NMD3: variants seen among roughly 807,000 people sequenced by gnomAD.
NMD3 encodes the protein 60S ribosomal export protein NMD3.
NMD3 carries 47 observed loss-of-function variants against 73.1 expected under a neutral mutation model. The ratio of observed to expected loss-of-function variants is 0.64; its 90% CI spans 0.51 to 0.82. The LOEUF (loss-of-function observed/expected upper bound fraction) is 0.82, where lower values mean the gene tolerates loss of function less well. NMD3 is among the 40% of genes least tolerant of loss of function. The pLI is 0.00. For missense variants in NMD3, 554 were observed against 612.5 expected (o/e 0.90, Z 1.01); for synonymous variants, 210 against 194.5 (o/e 1.08, Z -0.66).
intron 1 of NMD3, 195 bp from the exon 2 acceptor site, chr3:161,221,799 C>T (rs1736093910): frequency 2.3e-6 from 1 of 438,170 alleles, no homozygotes; most frequent in Admixed American, 4.0e-5. Context: ...ATCCCATGGT[C>T]CTCATCTTAA....
chr3:161,234,742 A>G lies in NMD3; in HGVS notation c.373A>G (p.Ile125Val), dbSNP rs1428096057. ...TIQKEVMNGA[I>V]LQQVFVVDYV... ...GTTTTATCAGGTGATGAATGGTGCTATCCTTCAACAAGTGTTTGTGGTGGA... is the reference window on the plus strand; with the variant it reads ...GTTTTATCAGGTGATGAATGGTGCTGTCCTTCAACAAGTGTTTGTGGTGGA... Residue 125 changes from isoleucine (I) to valine (V), a missense_variant, in exon 6 of 16, where the codon ATC becomes GTC. Ile to Val is a conservative substitution (Grantham distance 29). Coordinates refer to ENST00000351193, the MANE Select transcript of NMD3 (RefSeq NM_015938.5). 2 of 1,612,498 alleles carry G rather than the reference A, an allele frequency of 1.2e-6. No individual in the cohort carries two copies. The highest frequency in any genetic ancestry group is 1.7e-5 in the Admixed American group (1 of 59,992).
At chr3:161,241,957 T>C (rs1484857285) in intron 10 of NMD3, among the ~76,000 whole-genome samples, 1 of 152,024 alleles carries the variant, frequency 6.6e-6, no homozygotes, top group Admixed American at 6.6e-5. Flanking sequence ...GGTATCTTAG[T>C]ATTTGGATGT....
Position 161,251,421 on chromosome 3 carries a change from G to T in NMD3, c.*511G>T. ...GAAATTAGGGTTCAGTTTATCACTG[G>T]ACATTCAGGAGGCAAGTCAATCTTT... On this transcript the variant is annotated 3_prime_UTR_variant, in exon 16 of 16. Transcript: ENST00000351193. The T allele has an allele frequency of 6.6e-6, 1 of 151,968 alleles. No individual in the cohort carries two copies. Among genetic ancestry groups the T allele is most frequent in the Non-Finnish European group, 1.5e-5 (1 of 68,004 alleles). 9.4% of individuals were successfully genotyped at this position (151,968 alleles called of 1,614,324 possible).
chr3:161,241,299 A>G, intron 10 of NMD3, 136 bp downstream of exon 10: 1 of 566,248 alleles, frequency 1.8e-6, no homozygotes, highest in Non-Finnish European at 3.1e-6. Context: ...ATTGTTTAAT[A>G]CAAAACATTG....
intron 7 of NMD3, among the ~76,000 whole-genome samples, chr3:161,236,688 T>C (rs1736769108): frequency 1.3e-5 from 2 of 152,178 alleles, no homozygotes; most frequent in African/African-American, 4.8e-5. Flanking sequence ...TTCAAGTGTT[T>C]TATAGTTTTA....
chr3:161,227,039 C>T (rs952208505), intron 3 of NMD3, among the ~76,000 whole-genome samples: 3 of 152,244 alleles, frequency 2.0e-5, no homozygotes, highest in Non-Finnish European at 2.9e-5. Context: ...GATTGACTTT[C>T]TCAGTCAGAA....
chr3:161,247,431 A>AAAC, intron 13 of NMD3, 101 bp downstream of exon 13: 1 of 650,906 alleles, frequency 1.5e-6, no homozygotes. Context: ...ATAACAAATC[A>AAAC]ATTTAGAGAT....
At chr3:161,245,471 T>G (rs2108099054) in intron 11 of NMD3, among the ~76,000 whole-genome samples, 1 of 152,160 alleles carries the variant, frequency 6.6e-6, no homozygotes, top group African/African-American at 2.4e-5. Flanking sequence ...TTGACTTTTC[T>G]TTTGCAGTTC....
chr3:161,225,838 G>GTA (rs1225876167), intron 3 of NMD3, among the ~76,000 whole-genome samples: 30 of 151,852 alleles, frequency 2.0e-4, no homozygotes, highest in East Asian at 1.2e-3. Context: ...GTGTGTGTGT[G>GTA]TATATATGTA....
At chr3:161,237,223 AATAC>A (rs1736792335) in intron 7 of NMD3, among the ~76,000 whole-genome samples, 1 of 152,120 alleles carries the variant, frequency 6.6e-6, no homozygotes, top group African/African-American at 2.4e-5. Context: ...TTAAAATCTT[AATAC>A]ATGATTTTTA....
At chr3:161,252,980 C>CTGT, downstream of NMD3, 1 of 379,160 alleles carries the variant, frequency 2.6e-6, no homozygotes, top group Non-Finnish European at 4.8e-6. Context: ...ACACATAGTC[C>CTGT]CAGCTACTCG....
chr3:161,247,744 G>A (rs1737282775), intron 13 of NMD3, among the ~76,000 whole-genome samples: 1 of 150,906 alleles, frequency 6.6e-6, no homozygotes, highest in Non-Finnish European at 1.5e-5. Flanking sequence ...AGCTGAGATT[G>A]CGCCGTTGCA....
intron 3 of NMD3, among the ~76,000 whole-genome samples, chr3:161,226,826 T>A (rs1736336596): frequency 6.6e-6 from 1 of 152,218 alleles, no homozygotes; most frequent in Non-Finnish European, 1.5e-5. Flanking sequence ...TGCTGATTTA[T>A]AGTGTTGTGA....
At chr3:161,227,047 G>T (rs981346224) in intron 3 of NMD3, among the ~76,000 whole-genome samples, 200 bp from the exon 4 acceptor site, 5 of 152,126 alleles carry the variant, frequency 3.3e-5, no homozygotes, top group Admixed American at 6.5e-5. Context: ...TTCTCAGTCA[G>T]AATTTTACCT....
upstream of NMD3, chr3:161,221,157 C>T (rs182654384): frequency 6.6e-6 from 1 of 152,342 alleles, no homozygotes; most frequent in Admixed American, 6.5e-5. Flanking sequence ...GGCAAATGAG[C>T]CCCTGGGACT....
intron 11 of NMD3, among the ~76,000 whole-genome samples, chr3:161,243,660 C>T (rs1444190090): frequency 6.6e-6 from 1 of 152,122 alleles, no homozygotes; most frequent in Non-Finnish European, 1.5e-5. Context: ...CCTCATGATG[C>T]CATTTAACTA....
At chr3:161,249,628 T>C (rs750315936) in intron 14 of NMD3, 68 bp downstream of exon 14, 47 of 1,006,702 alleles carry the variant, frequency 4.7e-5, no homozygotes, top group Non-Finnish European at 4.3e-5. Flanking sequence ...CTTTTTATGT[T>C]GTAAAGAAAT....
At chr3:161,227,184 C>A in intron 3 of NMD3, 63 bp from the exon 4 acceptor site, 3 of 1,037,204 alleles carry the variant, frequency 2.9e-6, no homozygotes, top group Admixed American at 1.9e-5. Context: ...TCTGTGTATT[C>A]AGATGGAAAT....
chr3:161,226,870 G>A (rs1055215160), intron 3 of NMD3, among the ~76,000 whole-genome samples: 7 of 152,122 alleles, frequency 4.6e-5, no homozygotes, highest in Admixed American at 1.3e-4. Context: ...TGAAAAATAA[G>A]CAGTTCTCAG....
Sources: allele counts gnomAD v4.1 joint callset (sites outside exome capture counted in the v4.1 genomes callset), GRCh38; gene constraint gnomAD v4.1.1; transcripts MANE v1.5; gene names NCBI Gene and HGNC (gene_info 2026-07-23, HGNC 2026-07-21).